Variants in ADGRL2 observed in about 807,000 individuals in gnomAD.
ADGRL2 encodes adhesion G protein-coupled receptor L2, also known as calcium-independent alpha-latrotoxin receptor 2.
ADGRL2 carries 44 observed loss-of-function variants against 157.4 expected under a neutral mutation model. The observed-to-expected ratio is 0.28, with a 90% CI of 0.22 to 0.36. The LOEUF (loss-of-function observed/expected upper bound fraction) is 0.36, where lower values mean the gene tolerates loss of function less well. Among genes scored for constraint, ADGRL2 ranks in the 10% least tolerant of loss-of-function variants. The probability of loss-of-function intolerance (pLI) is 1.00; values close to 1 mark genes in which losing one functional copy is unlikely to be tolerated. For synonymous variants in ADGRL2, 585 were observed against 624.7 expected, an observed-to-expected ratio of 0.94 and a Z score of 0.95; for missense variants, 1,510 against 1,768.9, an observed-to-expected ratio of 0.85 and a Z score of 2.63.
intron 2 of ADGRL2, among the ~76,000 whole-genome samples, chr1:81,478,615 T>C (rs1267763317): frequency 6.6e-6 from 1 of 152,198 alleles, no homozygotes; most frequent in Non-Finnish European, 1.5e-5. Context: ...AGCAAATACA[T>C]TCAAGGCTCC....
At chr1:81,953,949 A>G (rs1458838595) in intron 10 of ADGRL2, among the ~76,000 whole-genome samples, 3 of 152,168 alleles carry the variant, frequency 2.0e-5, no homozygotes, top group African/African-American at 7.2e-5. Flanking sequence ...GGTCTAGGAA[A>G]AAATGACGTC....
intron 1 of ADGRL2, among the ~76,000 whole-genome samples, chr1:81,432,868 A>G (rs2101627955): frequency 6.6e-6 from 1 of 152,304 alleles, no homozygotes; most frequent in South Asian, 2.1e-4. Flanking sequence ...TTTCCTTTGT[A>G]CAATCATGGG....
intron 2 of ADGRL2, among the ~76,000 whole-genome samples, chr1:81,580,592 C>G (rs188891861): frequency 6.6e-6 from 1 of 152,002 alleles, no homozygotes; most frequent in African/African-American, 2.4e-5. Flanking sequence ...GAGTATCACT[C>G]ACTATAAATA....
intron 3 of ADGRL2, among the ~76,000 whole-genome samples, chr1:81,684,673 T>G (rs996069151): frequency 2.0e-5 from 3 of 152,206 alleles, no homozygotes; most frequent in Non-Finnish European, 4.4e-5. Context: ...TTATTGCATT[T>G]GCTTTTGAGT....
Position 81,986,948 on chromosome 1 carries a change from G to A in ADGRL2, c.3556G>A (p.Gly1186Ser), listed in dbSNP as rs1663338976. 4 of 1,610,534 alleles carry A rather than the reference G, an allele frequency of 2.5e-6. No homozygotes were observed. The East Asian group carries it at 6.7e-5, about 27-fold the overall frequency. Residue 1186 changes from glycine to serine, a missense_variant, in exon 22 of 24, where the codon GGC becomes AGC. Physicochemically the swap from Gly to Ser is moderately conservative, Grantham distance 56 (BLOSUM62 0). Transcript: ENST00000686636. Reference sequence around the variant, plus strand: ...AACAAACCCTCTTCTTCGACCCCACGGCACTAACAACCCCTATAACACATT... The same window carrying A: ...AACAAACCCTCTTCTTCGACCCCACAGCACTAACAACCCCTATAACACATT... Reference protein sequence around the residue: ...LLTNPLLRPHGTNNPYNTLLA... With the variant: ...LLTNPLLRPHSTNNPYNTLLA...
At chr1:81,773,818 C>T (rs1207866559) in intron 2 of ADGRL2, among the ~76,000 whole-genome samples, 1 of 152,116 alleles carries the variant, frequency 6.6e-6, no homozygotes, top group African/African-American at 2.4e-5. Flanking sequence ...GTGTTGCTGT[C>T]CTAACACCTA....
At chr1:81,522,053 CTCCTGGG>C (rs535910190) in intron 2 of ADGRL2, among the ~76,000 whole-genome samples, 33 of 151,852 alleles carry the variant, frequency 2.2e-4, no homozygotes, top group African/African-American at 7.7e-4. Context: ...CAGCCTCTGC[CTCCTGGG>C]TTCCGGCGAT....
chr1:81,626,052 G>A (rs778001880), intron 3 of ADGRL2, among the ~76,000 whole-genome samples: 1 of 152,080 alleles, frequency 6.6e-6, no homozygotes, highest in Admixed American at 6.5e-5. Flanking sequence ...CACACCTACC[G>A]AATGATTACA....
At chr1:81,674,979 T>C (rs1278718455) in intron 3 of ADGRL2, among the ~76,000 whole-genome samples, 1 of 152,232 alleles carries the variant, frequency 6.6e-6, no homozygotes. Flanking sequence ...TATCATTTTC[T>C]CTTTTTCATC....
intron 2 of ADGRL2, among the ~76,000 whole-genome samples, chr1:81,846,916 TGG>T: frequency 6.6e-6 from 1 of 151,882 alleles, no homozygotes; most frequent in Non-Finnish European, 1.5e-5. Context: ...TTTAAAAAGT[TGG>T]TAAGTAAAGT....
At chr1:81,761,266 C>T (rs1391148321) in intron 1 of ADGRL2, among the ~76,000 whole-genome samples, 2 of 151,718 alleles carry the variant, frequency 1.3e-5, no homozygotes, top group African/African-American at 4.8e-5. Flanking sequence ...TCTGAAATAT[C>T]ACTATTGAGA....
intron 2 of ADGRL2, among the ~76,000 whole-genome samples, chr1:81,775,058 A>G (rs2149359111): frequency 6.6e-6 from 1 of 152,296 alleles, no homozygotes; most frequent in East Asian, 1.9e-4. Flanking sequence ...GCCTAACACT[A>G]TTCATATCGA....
chr1:81,917,618 T>C (rs1157278453), intron 3 of ADGRL2, among the ~76,000 whole-genome samples: 1 of 152,188 alleles, frequency 6.6e-6, no homozygotes, highest in Non-Finnish European at 1.5e-5. Flanking sequence ...TCTCTCAAAA[T>C]TTGTTAACAT....
chr1:81,522,450 T>C (rs1479970003), intron 2 of ADGRL2, among the ~76,000 whole-genome samples: 3 of 152,184 alleles, frequency 2.0e-5, no homozygotes, highest in Non-Finnish European at 4.4e-5. Context: ...AAATATAACA[T>C]GTCAGTTCAA....
intron 2 of ADGRL2, among the ~76,000 whole-genome samples, chr1:81,772,701 C>T (rs2086424913): frequency 6.6e-6 from 1 of 151,946 alleles, no homozygotes; most frequent in Non-Finnish European, 1.5e-5. Context: ...TGCATTCTAG[C>T]CCAGGAGACA....
chr1:81,391,201 G>A (rs564604449), intron 1 of ADGRL2, among the ~76,000 whole-genome samples: 2 of 152,424 alleles, frequency 1.3e-5, no homozygotes, highest in East Asian at 1.9e-4. Flanking sequence ...CATTTTTTGA[G>A]CACTTATCCA....
At chr1:81,455,857 T>G (rs1038437753) in intron 2 of ADGRL2, among the ~76,000 whole-genome samples, 10 of 152,218 alleles carry the variant, frequency 6.6e-5, no homozygotes, top group African/African-American at 2.4e-4. Context: ...GAATCAAGGA[T>G]GAGGTCATAG....
At chr1:81,309,725 G>A (rs2100539394) in intron 1 of ADGRL2, among the ~76,000 whole-genome samples, 1 of 152,208 alleles carries the variant, frequency 6.6e-6, no homozygotes, top group Non-Finnish European at 1.5e-5. Context: ...TTTACCTCAA[G>A]GAGTTAAGAA....
At chr1:81,467,769 CATT>C (rs979702974) in intron 2 of ADGRL2, among the ~76,000 whole-genome samples, 243 of 152,088 alleles carry the variant, frequency 1.6e-3, no homozygotes, top group African/African-American at 5.7e-3. Flanking sequence ...TAGGAGGAGT[CATT>C]AGGAATTCAA....
Sources: gnomAD v4.1 joint callset for allele counts (sites outside exome capture counted in the v4.1 genomes callset) on GRCh38, gnomAD v4.1.1 for gene constraint, MANE v1.5 for transcripts, NCBI Gene and HGNC (gene_info 2026-07-23, HGNC 2026-07-21) for gene names.